Variants in KRIT1 observed in about 807,000 individuals in gnomAD.
KRIT1 encodes KRIT1 ankyrin repeat containing.
In KRIT1, 45 loss-of-function variants were observed where a neutral mutation model predicts 95.8. The ratio of observed to expected loss-of-function variants is 0.47; its 90% CI spans 0.37 to 0.60. KRIT1 has a LOEUF of 0.60. Ranked by LOEUF, KRIT1 falls within the 20% of genes least tolerant of loss-of-function variation. The probability of loss-of-function intolerance (pLI) is 0.00; values close to 1 mark genes in which losing one functional copy is unlikely to be tolerated. For missense variants in KRIT1, 788 were observed against 877.5 expected, an observed-to-expected ratio of 0.90 and a Z score of 1.29; for synonymous variants, 282 against 278.8, an observed-to-expected ratio of 1.01 and a Z score of -0.11.
chr7:92,243,156 G>A (rs1320825105), intron 3 of KRIT1, among the ~76,000 whole-genome samples: 1 of 152,146 alleles, frequency 6.6e-6, no homozygotes, highest in Non-Finnish European at 1.5e-5. Flanking sequence ...TATTCACTGT[G>A]TGTGTGTGTG....
rs1298603392 is a variant in KRIT1 at position 92,214,785 on chromosome 7, G to C, written c.1564-8C>G. 6.3e-7 allele frequency: 1 copy of C among 1,575,446 alleles called. No homozygotes were observed. The highest frequency in any genetic ancestry group is 1.1e-5 in the South Asian group (1 of 89,898). ...AGCTAGTGGGTCTTCAATCTTAAAG[G>C]AAAAAGTATAATTTGGTTATTAGGC... On this transcript the variant is annotated splice_polypyrimidine_tract_variant and splice_region_variant and intron_variant, in intron 14 of 18. Coordinates refer to ENST00000394505, the MANE Select transcript of KRIT1 (RefSeq NM_194454.3).
intron 17 of KRIT1, among the ~76,000 whole-genome samples, chr7:92,208,011 T>G (rs2131222767): frequency 6.6e-6 from 1 of 152,246 alleles, no homozygotes; most frequent in South Asian, 2.1e-4. Context: ...AAGTATCTTC[T>G]CAGATCACAA....
Position 92,226,680 on chromosome 7 carries a change from T to C in KRIT1, c.992A>G (p.Tyr331Cys), listed in dbSNP as rs1350475816. ...TATGCGAGTGGCCTCAACTTTTCCA[T>C]ACCTGTATAAAAAAACAAACAAACA... ...HWAPIHYACW[Y>C]GKVEATRILL... The change falls in exon 11 of 19, where the codon TAT (tyrosine) becomes TGT (cysteine). Residue 331 changes from tyrosine to cysteine, a missense_variant and splice_region_variant. By Grantham distance (194) the Tyr-to-Cys change is radical (BLOSUM62 -2). This residue lies in a region of KRIT1 where 493 missense variants were observed against 582.3 expected (regional missense o/e 0.85). Transcript: ENST00000394505. 2 of 1,612,982 alleles carry C rather than the reference T, an allele frequency of 1.2e-6. No homozygotes were observed. The highest frequency in any genetic ancestry group is 8.5e-7 in the Non-Finnish European group (1 of 1,179,482).
chr7:92,234,161 G>C (rs987941415), intron 10 of KRIT1, among the ~76,000 whole-genome samples: 2 of 152,136 alleles, frequency 1.3e-5, no homozygotes, highest in African/African-American at 4.8e-5. Flanking sequence ...AAACTGCAAG[G>C]GTGAATAAGT....
At position 92,214,684 on chromosome 7, in the gene KRIT1, T is replaced by C. The variant is rs774711461; in HGVS notation, c.1657A>G (p.Thr553Ala). The C allele has an allele frequency of 6.2e-7, 1 of 1,611,498 alleles. No individual in the cohort carries two copies. Among genetic ancestry groups the C allele is most frequent in the South Asian group, 1.1e-5 (1 of 91,026 alleles). Reference sequence around the variant, plus strand: ...ATTTGCAAAAGCAGACTTGCCAATGTTATCAGCTTAGCATCAGGAGCTGTA... The same window carrying C: ...ATTTGCAAAAGCAGACTTGCCAATGCTATCAGCTTAGCATCAGGAGCTGTA... ...FYTAPDAKLI[T>A]LASLLLQIVY... is the part of the protein sequence containing the mutation. The change falls in exon 15 of 19, where the codon ACA becomes GCA. Residue 553 changes from threonine to alanine, a missense_variant. Transcript: ENST00000394505.
At chr7:92,245,465 C>T (rs1009369999) in intron 1 of KRIT1, 1 of 151,666 alleles carries the variant, frequency 6.6e-6, no homozygotes, top group African/African-American at 2.4e-5. Flanking sequence ...AGTCTCCCAC[C>T]TCCGTTTTCC....
chr7:92,215,777 A>T (rs11509923), intron 14 of KRIT1, among the ~76,000 whole-genome samples: 34,548 of 149,282 alleles, frequency 0.23, 4,618 homozygotes, highest in Non-Finnish European at 0.31. Context: ...TTTTTTTTTT[A>T]AAACTATAAA....
intron 16 of KRIT1, 136 bp from the exon 17 acceptor site, chr7:92,213,537 C>G (rs578258177): frequency 1.6e-6 from 1 of 641,414 alleles, no homozygotes. Flanking sequence ...CACATTGTAT[C>G]AGGAGTACTT....
intron 14 of KRIT1, among the ~76,000 whole-genome samples, chr7:92,218,295 C>T (rs1794414292): frequency 6.6e-6 from 1 of 151,616 alleles, no homozygotes. Context: ...TGCAGCCAGG[C>T]TGGTCTCAAA....
At chr7:92,239,962 G>A (rs1799263428) in intron 5 of KRIT1, among the ~76,000 whole-genome samples, 1 of 151,824 alleles carries the variant, frequency 6.6e-6, no homozygotes, top group Non-Finnish European at 1.5e-5. Context: ...ACCCACCTCG[G>A]CCTCCCAAAG....
chr7:92,240,117 T>C (rs1269719178), intron 5 of KRIT1, among the ~76,000 whole-genome samples: 1 of 152,130 alleles, frequency 6.6e-6, no homozygotes, highest in African/African-American at 2.4e-5. Flanking sequence ...GGAGCTATAA[T>C]ACAGTGAATG....
chr7:92,234,370 C>T, intron 10 of KRIT1, 79 bp downstream of exon 10: 2 of 1,110,488 alleles, frequency 1.8e-6, no homozygotes, highest in Non-Finnish European at 2.7e-6. Flanking sequence ...GGAATGAGAA[C>T]AGTCTTGAAA....
At chr7:92,233,187 CACACACACAT>C (rs1403243945) in intron 10 of KRIT1, among the ~76,000 whole-genome samples, 30 of 150,592 alleles carry the variant, frequency 2.0e-4, no homozygotes, top group African/African-American at 6.6e-4. Context: ...CACACACACA[CACACACACAT>C]ATAAAGCAAC....
intron 10 of KRIT1, among the ~76,000 whole-genome samples, chr7:92,227,432 G>A (rs978970597): frequency 4.6e-5 from 7 of 151,848 alleles, no homozygotes; most frequent in African/African-American, 1.2e-4. Context: ...GCATTGTGGC[G>A]CACGCCTGTA....
intron 10 of KRIT1, among the ~76,000 whole-genome samples, chr7:92,228,752 C>T (rs747206360): frequency 6.6e-6 from 1 of 152,108 alleles, no homozygotes; most frequent in African/African-American, 2.4e-5. Context: ...CAGCTTCCAC[C>T]CTCAAGGAGG....
At chr7:92,239,778 T>C (rs1799225393) in intron 5 of KRIT1, among the ~76,000 whole-genome samples, 1 of 151,096 alleles carries the variant, frequency 6.6e-6, no homozygotes, top group South Asian at 2.1e-4. Context: ...TGGCACAATC[T>C]TGGCTCACTG....
intron 4 of KRIT1, 89 bp downstream of exon 4, chr7:92,241,945 C>T: frequency 2.5e-6 from 2 of 798,734 alleles, no homozygotes; most frequent in Non-Finnish European, 4.3e-6. Flanking sequence ...GTTAATACAA[C>T]TTTACAAGAT....
intron 6 of KRIT1, among the ~76,000 whole-genome samples, chr7:92,236,991 T>C (rs1198976655): frequency 6.6e-6 from 1 of 152,166 alleles, no homozygotes; most frequent in Non-Finnish European, 1.5e-5. Flanking sequence ...TACATGATGC[T>C]AGTACTCTAT....
chr7:92,242,168 A>G (rs766326515), intron 3 of KRIT1, 31 bp from the exon 4 acceptor site: 4 of 1,233,534 alleles, frequency 3.2e-6, no homozygotes, highest in African/African-American at 1.5e-5. Flanking sequence ...AATCCTTTGA[A>G]AGATTAAATG....
Sources: gnomAD v4.1 joint callset for allele counts (sites outside exome capture counted in the v4.1 genomes callset) on GRCh38, gnomAD v4.1.1 for gene constraint, gnomAD v4.1.1 regional missense constraint, MANE v1.5 for transcripts, NCBI Gene and HGNC (gene_info 2026-07-23, HGNC 2026-07-21) for gene names.